Variants in TTLL11 observed in about 807,000 individuals in gnomAD.
TTLL11 encodes the protein tubulin tyrosine ligase like 11.
A neutral mutation model predicts 51.7 loss-of-function variants in TTLL11; 42 were observed. The observed-to-expected ratio is 0.81, with a 90% CI of 0.64 to 1.05. The LOEUF is 1.05. TTLL11 is among the 50% of genes least tolerant of loss of function. The pLI is 0.00. For synonymous variants in TTLL11, 381 were observed against 383.5 expected (o/e 0.99, Z 0.08); for missense variants, 799 against 940.4 (o/e 0.85, Z 1.97).
At chr9:122,074,158 C>T (rs1408786451) in intron 1 of TTLL11, among the ~76,000 whole-genome samples, 2 of 151,922 alleles carry the variant, frequency 1.3e-5, no homozygotes, top group Non-Finnish European at 2.9e-5. Context: ...CATATAATAC[C>T]AGCAAGTTGG....
intron 4 of TTLL11, among the ~76,000 whole-genome samples, chr9:121,975,222 A>G (rs527617946): frequency 8.5e-5 from 13 of 152,286 alleles, no homozygotes; most frequent in Admixed American, 1.3e-4. Context: ...TGTCGTCTGA[A>G]GGGCTGTTGA....
intron 6 of TTLL11, among the ~76,000 whole-genome samples, chr9:121,897,640 A>ACACACACACACGCG (rs111331446): frequency 2.8e-4 from 39 of 139,388 alleles, no homozygotes; most frequent in African/African-American, 5.8e-4. Flanking sequence ...ACACACACAC[A>ACACACACACACGCG]CGCGCGCGCG....
At chr9:121,861,087 GTT>G (rs11310991) in intron 7 of TTLL11, among the ~76,000 whole-genome samples, 1,587 of 130,954 alleles carry the variant, frequency 0.012, 23 homozygotes, top group African/African-American at 0.039. Context: ...CAAGGCAAGT[GTT>G]TTTTTTTTTT....
chr9:122,038,346 A>T lies in TTLL11; in HGVS notation c.559+926T>A, dbSNP rs117520134. Among the ~76,000 whole-genome samples, 788 of 152,212 alleles carry T rather than the reference A, an allele frequency of 5.2e-3. 3 individuals are homozygous for T. Among genetic ancestry groups the T allele is most frequent in the Non-Finnish European group, 9.2e-3 (623 of 68,010 alleles). ...TCTTAAATATCCTCTTCATTCAGCC[A>T]TCAAAAATAATGAAGAGACCCGGTA... On this transcript the variant is annotated intron_variant, in intron 2 of 8. Transcript: ENST00000321582.
At chr9:121,909,082 A>G (rs1840029645) in intron 6 of TTLL11, among the ~76,000 whole-genome samples, 1 of 152,062 alleles carries the variant, frequency 6.6e-6, no homozygotes, top group Non-Finnish European at 1.5e-5. Context: ...CCATCCCTTC[A>G]TGTGTTCATA....
At chr9:121,880,921 G>A (rs1292553095) in intron 6 of TTLL11, among the ~76,000 whole-genome samples, 1 of 152,214 alleles carries the variant, frequency 6.6e-6, no homozygotes. Flanking sequence ...CAGCCCACGT[G>A]TTAAACCCCT....
At chr9:121,950,028 T>G (rs1841800693) in intron 6 of TTLL11, among the ~76,000 whole-genome samples, 1 of 152,062 alleles carries the variant, frequency 6.6e-6, no homozygotes, top group East Asian at 1.9e-4. Flanking sequence ...CTTTCACCTT[T>G]TCCCTATGAC....
At position 121,989,602 on chromosome 9, in the gene TTLL11, G is replaced by T. The variant is rs1843046844; in HGVS notation, c.862C>A (p.Pro288Thr). 1 of 1,614,160 alleles carries T rather than the reference G, an allele frequency of 6.2e-7. No homozygotes were observed. Among genetic ancestry groups the T allele is most frequent in the Admixed American group, 1.7e-5 (1 of 60,014 alleles). The stretch of plus-strand genomic sequence containing the variant: ...AACTTGAGCTTGTCGATAAGGAGAG[G>T]TTTGCAGATGTACTCCTGGACCACC... ...PAVVQEYICK[P>T]LLIDKLKFDI... is the part of the protein sequence containing the mutation. Residue 288 changes from proline to threonine, a missense_variant, in exon 4 of 9, where the codon CCT becomes ACT. Physicochemically the swap from Pro to Thr is conservative, Grantham distance 38 (BLOSUM62 -1). This residue lies in a region of TTLL11 where 468 missense variants were observed against 612.8 expected (regional missense o/e 0.76). Coordinates refer to ENST00000321582, the MANE Select transcript of TTLL11 (RefSeq NM_001139442.2). This position sits in a 1 kb window ranked among gnomAD's most constrained non-coding sequence, Gnocchi z 4.2.
At chr9:121,844,760 A>G (rs1837464770) in intron 8 of TTLL11, among the ~76,000 whole-genome samples, 1 of 152,196 alleles carries the variant, frequency 6.6e-6, no homozygotes, top group Non-Finnish European at 1.5e-5. Flanking sequence ...GATTGGATAC[A>G]GTCAAAGAAA....
chr9:121,972,275 C>T (rs1842599097), intron 6 of TTLL11, among the ~76,000 whole-genome samples: 2 of 152,160 alleles, frequency 1.3e-5, no homozygotes, highest in Non-Finnish European at 2.9e-5. Flanking sequence ...CTGCTGAGAC[C>T]AATAACTATT....
At position 121,979,078 on chromosome 9, in the gene TTLL11, C is replaced by G. The variant is rs1234784014; in HGVS notation, c.1270-4099G>C. On this transcript the variant is annotated intron_variant, in intron 4 of 8. Transcript: ENST00000321582. ...CTCTAATATTGGGTTATAAAAAGACCGTGGCTTCTATCTTGGGGGGCTTTC... is the reference window on the plus strand; with the variant it reads ...CTCTAATATTGGGTTATAAAAAGACGGTGGCTTCTATCTTGGGGGGCTTTC... Among the ~76,000 whole-genome samples the G allele has an allele frequency of 2.0e-5, 3 of 152,236 alleles. No individual in the cohort carries two copies. The East Asian group carries it at 5.8e-4, about 29-fold the overall frequency.
chr9:121,963,553 T>C (rs1842305121), intron 6 of TTLL11: 1 of 152,224 alleles, frequency 6.6e-6, no homozygotes, highest in Non-Finnish European at 1.5e-5. Context: ...ACTGGCCATA[T>C]GCTCATCTAG....
intron 2 of TTLL11, among the ~76,000 whole-genome samples, chr9:122,032,919 C>T (rs958399470): frequency 6.6e-5 from 10 of 151,454 alleles, no homozygotes; most frequent in Admixed American, 6.6e-5. Flanking sequence ...CTCAGCCTCT[C>T]GAGTAGCTGG....
At chr9:121,899,060 G>A (rs1330876654) in intron 6 of TTLL11, among the ~76,000 whole-genome samples, 1 of 152,128 alleles carries the variant, frequency 6.6e-6, no homozygotes, top group Admixed American at 6.5e-5. Context: ...GGGCCATGCT[G>A]TGTCAATGAG....
At chr9:121,897,547 G>A (rs1052740204) in intron 6 of TTLL11, among the ~76,000 whole-genome samples, 1 of 151,394 alleles carries the variant, frequency 6.6e-6, no homozygotes, top group African/African-American at 2.4e-5. Flanking sequence ...CACTCTGCAA[G>A]TCCCTGCTGA....
In TTLL11 at chr9:121,984,366, T is replaced by C. The variant is rs536179625; in HGVS notation, c.1269+4829A>G. ...GAATAAACATAAAAACTGTCATTTATTAAGTGATTCCTATGTGTTAGGTGC... is the reference window on the plus strand; with the variant it reads ...GAATAAACATAAAAACTGTCATTTACTAAGTGATTCCTATGTGTTAGGTGC... On this transcript the variant is annotated intron_variant, in intron 4 of 8. Transcript: ENST00000321582. Among the ~76,000 whole-genome samples the C allele has an allele frequency of 4.6e-5, 7 of 152,336 alleles. No individual in the cohort carries two copies. In the South Asian group the frequency reaches 1.5e-3, roughly 32 times the overall value.
intron 8 of TTLL11, among the ~76,000 whole-genome samples, chr9:121,826,463 G>A (rs1237687644): frequency 2.9e-4 from 22 of 76,056 alleles, no homozygotes; most frequent in African/African-American, 1.0e-3. Flanking sequence ...ATATATATAT[G>A]TGTGTATATA....
Position 121,876,283 on chromosome 9 carries a change from T to C in TTLL11, c.1482-5535A>G, listed in dbSNP as rs138041174. 2.0e-4 allele frequency among the ~76,000 whole-genome samples: 31 copies of C among 152,358 alleles called. 1 individual carries two copies. In the East Asian group the frequency reaches 6.0e-3, roughly 29 times the overall value. Reference sequence around the variant, plus strand: ...ATAGTTCCAGAAATTAACAGAGAAGTAGATCTAGCAAGGTCAAATTCTAGT... The same window carrying C: ...ATAGTTCCAGAAATTAACAGAGAAGCAGATCTAGCAAGGTCAAATTCTAGT... On this transcript the variant is annotated intron_variant, in intron 6 of 8. Transcript: ENST00000321582.
intron 6 of TTLL11, among the ~76,000 whole-genome samples, chr9:121,916,111 T>G (rs1482392142): frequency 6.6e-6 from 1 of 151,268 alleles, no homozygotes; most frequent in Non-Finnish European, 1.5e-5. Context: ...AGAGGATTAA[T>G]TATAAAAAGA....
Sources: allele counts gnomAD v4.1 joint callset (sites outside exome capture counted in the v4.1 genomes callset), GRCh38; gene constraint gnomAD v4.1.1; regional missense constraint gnomAD v4.1.1; non-coding constraint Gnocchi (gnomAD v3.1); transcripts MANE v1.5; gene names NCBI Gene and HGNC (gene_info 2026-07-23, HGNC 2026-07-21).